SETD7: variants seen among roughly 807,000 people sequenced by gnomAD.
SETD7 encodes histone-lysine N-methyltransferase SETD7.
SETD7 carries 16 observed loss-of-function variants against 41.8 expected under a neutral mutation model. That is an observed-to-expected ratio of 0.38 (90% CI 0.26 to 0.58). The LOEUF (loss-of-function observed/expected upper bound fraction) is 0.58, where lower values mean the gene tolerates loss of function less well. Among genes scored for constraint, SETD7 ranks in the 20% least tolerant of loss-of-function variants. The probability of loss-of-function intolerance (pLI) is 0.64; values close to 1 mark genes in which losing one functional copy is unlikely to be tolerated. For synonymous variants in SETD7, 163 were observed against 169.7 expected, an observed-to-expected ratio of 0.96 and a Z score of 0.31; for missense variants, 346 against 459.7, an observed-to-expected ratio of 0.75 and a Z score of 2.26.
chr4:139,504,353 G>A (rs909276289), downstream of SETD7, among the ~76,000 whole-genome samples: 9 of 152,174 alleles, frequency 5.9e-5, no homozygotes, highest in Admixed American at 2.0e-4. Context: ...CCACTATGTC[G>A]TGAGGGAATT....
In SETD7 at chr4:139,533,157, C is replaced by T. The variant is rs377049184; in HGVS notation, c.372+8G>A. 2.0e-5 allele frequency: 32 copies of T among 1,610,066 alleles called. No homozygotes were observed. Among genetic ancestry groups the T allele is most frequent in the African/African-American group, 1.5e-4 (11 of 74,932 alleles). On this transcript the variant is annotated splice_region_variant and intron_variant, in intron 3 of 7. Coordinates refer to ENST00000274031, the MANE Select transcript of SETD7 (RefSeq NM_030648.4). ...CTTTCCAGCAGAGTGAACAGTCACA[C>T]GGCTTACTGGGTAATATATCCAGCA... is the stretch of plus-strand genomic sequence containing the variant.
At chr4:139,502,234 C>A (rs970574841), downstream of SETD7, among the ~76,000 whole-genome samples, 1 of 152,134 alleles carries the variant, frequency 6.6e-6, no homozygotes, top group African/African-American at 2.4e-5. Flanking sequence ...AACTAAAATC[C>A]CTGTCTATTC....
At chr4:139,518,075 G>A in intron 6 of SETD7, 33 bp from the exon 7 acceptor site, 1 of 1,593,748 alleles carries the variant, frequency 6.3e-7, no homozygotes, top group Non-Finnish European at 8.5e-7. Context: ...CCTTAGAGAG[G>A]ACCTTTCTCC....
At chr4:139,522,946 G>A (rs1028433198) in intron 5 of SETD7, among the ~76,000 whole-genome samples, 9 of 151,810 alleles carry the variant, frequency 5.9e-5, no homozygotes, top group African/African-American at 1.7e-4. Context: ...TAGAGATGGG[G>A]TTTCACCATG....
downstream of SETD7, among the ~76,000 whole-genome samples, chr4:139,504,089 G>A (rs530699421): frequency 6.6e-6 from 1 of 152,244 alleles, no homozygotes; most frequent in South Asian, 2.1e-4. Context: ...TAACTGTAGG[G>A]CCACTCAGCA....
In SETD7 at chr4:139,510,986, T is replaced by C. The variant is rs1489283029; in HGVS notation, c.*677A>G. 6.6e-6 allele frequency: 1 copy of C among 152,570 alleles called. No individual in the cohort carries two copies. The highest frequency in any genetic ancestry group is 1.5e-5 in the Non-Finnish European group (1 of 68,034). The allele number at this position is 152,570 out of a possible 1,614,324, so 9.5% of individuals were successfully genotyped here. On this transcript the variant is annotated 3_prime_UTR_variant, in exon 8 of 8. Transcript: ENST00000274031. The stretch of plus-strand genomic sequence containing the variant: ...TGAGCCAGTACTTTATATTAGGACA[T>C]AATAATAAAATGATGATATAGAAAG...
At chr4:139,541,200 A>G (rs1240393526) in intron 2 of SETD7, among the ~76,000 whole-genome samples, 1 of 152,214 alleles carries the variant, frequency 6.6e-6, no homozygotes, top group Non-Finnish European at 1.5e-5. Context: ...GCTAAAAACC[A>G]CATGACCCTA....
chr4:139,533,229 C>G lies in SETD7; in HGVS notation c.308G>C (p.Arg103Thr). The G allele has an allele frequency of 6.2e-7, 1 of 1,614,218 alleles. No homozygotes were observed. The highest frequency in any genetic ancestry group is 8.5e-7 in the Non-Finnish European group (1 of 1,180,030). The stretch of plus-strand genomic sequence containing the variant: ...TTTATACTGCCCCTTGAAGATCAGT[C>G]TCCCATCTGTGTCATATTCCTGGGC... Reference protein sequence around the residue: ...GPAQEYDTDGRLIFKGQYKDN... With the variant: ...GPAQEYDTDGTLIFKGQYKDN... Residue 103 changes from arginine to threonine, a missense_variant, in exon 3 of 8, where the codon AGA becomes ACA. Around this residue, in one of 3 missense-constraint regions of SETD7, gnomAD observed 266 missense variants for 377.0 expected, o/e 0.71. Transcript: ENST00000274031.
intron 2 of SETD7, among the ~76,000 whole-genome samples, chr4:139,538,191 A>G (rs149494824): frequency 2.0e-5 from 3 of 152,346 alleles, no homozygotes; most frequent in African/African-American, 7.2e-5. Context: ...AATTGACTGG[A>G]AGAAAATAAA....
downstream of SETD7, among the ~76,000 whole-genome samples, chr4:139,494,045 T>C (rs1456084789): frequency 6.6e-6 from 1 of 152,176 alleles, no homozygotes; most frequent in Non-Finnish European, 1.5e-5. Flanking sequence ...CCTTGGAATG[T>C]AATTATTTTA....
intron 4 of SETD7, among the ~76,000 whole-genome samples, chr4:139,525,484 T>C (rs569124111): frequency 6.6e-6 from 1 of 152,226 alleles, no homozygotes; most frequent in Admixed American, 6.5e-5. Context: ...CAAACATTCA[T>C]TATAAAAAGT....
At chr4:139,515,810 A>G (rs1315273851) in intron 7 of SETD7, among the ~76,000 whole-genome samples, 1 of 152,228 alleles carries the variant, frequency 6.6e-6, no homozygotes, top group African/African-American at 2.4e-5. Flanking sequence ...ATTTGCCTAC[A>G]GATTAAATGC....
exon 8 of SETD7, chr4:139,496,219 C>G: frequency 2.0e-6 from 1 of 503,512 alleles, no homozygotes; most frequent in African/African-American, 2.0e-5. Context: ...TTCTCTGGCA[C>G]AACTTATTAG....
intron 4 of SETD7, among the ~76,000 whole-genome samples, chr4:139,527,681 C>T (rs1405816512): frequency 6.6e-6 from 1 of 152,174 alleles, no homozygotes; most frequent in African/African-American, 2.4e-5. Flanking sequence ...CACTGTTTCT[C>T]CTAATGTTAA....
At chr4:139,516,054 TAA>T (rs1470436537) in intron 7 of SETD7, among the ~76,000 whole-genome samples, 1 of 152,122 alleles carries the variant, frequency 6.6e-6, no homozygotes, top group Non-Finnish European at 1.5e-5. Flanking sequence ...TAAAAACTAC[TAA>T]AGTGTTTGTA....
intron 1 of SETD7, 97 bp from the exon 2 acceptor site, chr4:139,547,146 C>G (rs1450656924): frequency 4.1e-6 from 6 of 1,475,468 alleles, no homozygotes; most frequent in Non-Finnish European, 5.5e-6. Flanking sequence ...GTCCCCCACC[C>G]AACTCCCCTC....
intron 7 of SETD7, among the ~76,000 whole-genome samples, chr4:139,514,938 G>T (rs975347167): frequency 6.6e-6 from 1 of 152,202 alleles, no homozygotes; most frequent in African/African-American, 2.4e-5. Flanking sequence ...GGCCGAGGCA[G>T]GTGGATCACA....
intron 2 of SETD7, among the ~76,000 whole-genome samples, chr4:139,542,022 T>C (rs963535198): frequency 4.6e-5 from 7 of 152,154 alleles, no homozygotes; most frequent in African/African-American, 1.7e-4. Context: ...AAAGAAAATG[T>C]GGTATATACG....
intron 7 of SETD7, among the ~76,000 whole-genome samples, chr4:139,498,846 C>T (rs534099232): frequency 1.3e-5 from 2 of 152,344 alleles, no homozygotes; most frequent in South Asian, 4.1e-4. Flanking sequence ...GAAATTATCT[C>T]ATGCCTGTAA....
Sources: allele counts gnomAD v4.1 joint callset (sites outside exome capture counted in the v4.1 genomes callset), GRCh38; gene constraint gnomAD v4.1.1; regional missense constraint gnomAD v4.1.1; transcripts MANE v1.5; gene names NCBI Gene and HGNC (gene_info 2026-07-23, HGNC 2026-07-21).